Variants in POPDC1 observed in about 807,000 individuals in gnomAD.
The protein encoded by POPDC1 is popeye domain cAMP effector 1.
chr6:105,101,112 A>G, the POPDC1 span: 2 of 1,612,596 alleles, frequency 1.2e-6, no homozygotes, highest in Non-Finnish European at 1.7e-6. Context: ...TGGACTTTCA[A>G]TGTATTTGGA....
At chr6:105,118,806 C>A in the POPDC1 span, among the ~76,000 whole-genome samples, 1 of 152,172 alleles carries the variant, frequency 6.6e-6, no homozygotes, top group African/African-American at 2.4e-5. Context: ...AAGTAATATT[C>A]TTCCCCATTT....
the POPDC1 span, among the ~76,000 whole-genome samples, chr6:105,113,985 CAAAAAA>C: frequency 6.7e-6 from 1 of 149,444 alleles, no homozygotes; most frequent in African/African-American, 2.5e-5. Context: ...CAAAAACAAA[CAAAAAA>C]AAACAGGAGA....
the POPDC1 span, among the ~76,000 whole-genome samples, chr6:105,115,338 T>C: frequency 2.6e-5 from 4 of 152,260 alleles, no homozygotes; most frequent in South Asian, 6.2e-4. Flanking sequence ...TCCGCCCGCC[T>C]CAGCCTCCCA....
At chr6:105,111,268 G>A in the POPDC1 span, among the ~76,000 whole-genome samples, 27 of 152,278 alleles carry the variant, frequency 1.8e-4, no homozygotes, top group African/African-American at 6.3e-4. Flanking sequence ...ATGTCTTCCT[G>A]TTACCATAGC....
the POPDC1 span, among the ~76,000 whole-genome samples, chr6:105,115,172 C>T: frequency 6.6e-6 from 1 of 152,250 alleles, no homozygotes; most frequent in African/African-American, 2.4e-5. Context: ...CTGCAAGCTC[C>T]GCCTCCCAGG....
the POPDC1 span, among the ~76,000 whole-genome samples, chr6:105,107,708 G>C: frequency 6.6e-6 from 1 of 152,142 alleles, no homozygotes; most frequent in South Asian, 2.1e-4. Flanking sequence ...TTAACCATCT[G>C]GCCAACTGCT....
chr6:105,128,665 A>G, the POPDC1 span, among the ~76,000 whole-genome samples: 1 of 152,356 alleles, frequency 6.6e-6, no homozygotes, highest in Middle Eastern at 3.4e-3. Context: ...CATTCAAATT[A>G]GAATCTTCTA....
the POPDC1 span, among the ~76,000 whole-genome samples, chr6:105,111,386 C>T: frequency 1.3e-5 from 2 of 152,166 alleles, no homozygotes; most frequent in African/African-American, 4.8e-5. Context: ...AGAGAAGATG[C>T]ACAAAGATGA....
chr6:105,115,862 T>G, the POPDC1 span: 1 of 1,609,382 alleles, frequency 6.2e-7, no homozygotes, highest in South Asian at 1.1e-5. Flanking sequence ...CTGAGAATTA[T>G]GGGAGTTGAA....
the POPDC1 span, chr6:105,098,322 C>T: frequency 6.6e-6 from 1 of 152,202 alleles, no homozygotes; most frequent in Non-Finnish European, 1.5e-5. Flanking sequence ...TGGGAGGCTT[C>T]TTCCTTAGAG....
the POPDC1 span, chr6:105,129,419 T>C: frequency 6.2e-7 from 1 of 1,612,592 alleles, no homozygotes; most frequent in South Asian, 1.1e-5. Flanking sequence ...ATGCAAAATG[T>C]TGACACCCAA....
the POPDC1 span, among the ~76,000 whole-genome samples, chr6:105,119,164 A>G: frequency 0.041 from 6,063 of 147,164 alleles, 424 homozygotes; most frequent in African/African-American, 0.15. Context: ...TAGCCTGGGT[A>G]ACAGAGTGAG....
chr6:105,128,116 T>C, the POPDC1 span, among the ~76,000 whole-genome samples: 4 of 152,234 alleles, frequency 2.6e-5, no homozygotes, highest in East Asian at 7.7e-4. Flanking sequence ...GAGCACCTAC[T>C]GTGTGCCAAT....
At chr6:105,131,705 T>G in the POPDC1 span, among the ~76,000 whole-genome samples, 1 of 152,266 alleles carries the variant, frequency 6.6e-6, no homozygotes, top group Non-Finnish European at 1.5e-5. Context: ...CGTTAGCCAC[T>G]ATGCCTGGCC....
the POPDC1 span, among the ~76,000 whole-genome samples, chr6:105,127,727 C>T: frequency 6.6e-6 from 1 of 151,884 alleles, no homozygotes; most frequent in Non-Finnish European, 1.5e-5. Flanking sequence ...TGAGCTATGG[C>T]GCCCAGCCTC....
chr6:105,131,254 T>C, the POPDC1 span, among the ~76,000 whole-genome samples: 12 of 152,166 alleles, frequency 7.9e-5, no homozygotes, highest in Non-Finnish European at 1.5e-4. Flanking sequence ...TTAAATATTC[T>C]TTAAGTAATA....
chr6:105,129,014 A>C, the POPDC1 span, among the ~76,000 whole-genome samples: 1 of 152,218 alleles, frequency 6.6e-6, no homozygotes, highest in East Asian at 1.9e-4. Flanking sequence ...ACTATTTGTA[A>C]ATCATTAGAA....
chr6:105,109,707 C>T, the POPDC1 span, among the ~76,000 whole-genome samples: 46 of 139,230 alleles, frequency 3.3e-4, no homozygotes, highest in Middle Eastern at 4.2e-3. Context: ...GAAGATGCGG[C>T]GAGCTGTGAT....
chr6:105,100,484 T>A, the POPDC1 span: 2 of 149,974 alleles, frequency 1.3e-5, no homozygotes, highest in Non-Finnish European at 3.0e-5. Context: ...CACTCCAGCC[T>A]GGGCGACAGA....
Sources: gnomAD v4.1 joint callset for allele counts (sites outside exome capture counted in the v4.1 genomes callset) on GRCh38, gnomAD v4.1.1 for gene constraint, MANE v1.5 for transcripts, NCBI Gene and HGNC (gene_info 2026-07-23, HGNC 2026-07-21) for gene names.